Variants in TMEM45A observed in about 807,000 individuals in gnomAD.
The protein encoded by TMEM45A is transmembrane protein 45A.
Under a neutral mutation model 32.0 loss-of-function variants are expected in TMEM45A, and 25 were observed. The observed-to-expected ratio is 0.78, with a 90% CI of 0.57 to 1.09. The LOEUF (loss-of-function observed/expected upper bound fraction) is 1.09, where lower values mean the gene tolerates loss of function less well. Among genes scored for constraint, TMEM45A ranks in the 50% least tolerant of loss-of-function variants. TMEM45A has a pLI of 0.00. For synonymous variants in TMEM45A, 122 were observed against 114.8 expected, an observed-to-expected ratio of 1.06 and a Z score of -0.40; for missense variants, 302 against 325.0, an observed-to-expected ratio of 0.93 and a Z score of 0.54.
chr3:100,551,622 C>T (rs926926961), intron 1 of TMEM45A, among the ~76,000 whole-genome samples: 2 of 152,084 alleles, frequency 1.3e-5, no homozygotes, highest in African/African-American at 2.4e-5. Context: ...AGTGAAGTAA[C>T]GTTTGAGGAT....
In TMEM45A at chr3:100,544,770, G is replaced by A. The variant is rs143017026; in HGVS notation, c.-3-10439G>A. Among the ~76,000 whole-genome samples the A allele has an allele frequency of 1.3e-4, 20 of 152,206 alleles. 1 individual carries two copies. The highest frequency in any genetic ancestry group is 4.6e-4 in the African/African-American group (19 of 41,526). Reference sequence around the variant, plus strand: ...TGTCAATGGGTTATTTCCAGGTTTGGGTTATTATAAATAAAGCTACTATGA... The same window carrying A: ...TGTCAATGGGTTATTTCCAGGTTTGAGTTATTATAAATAAAGCTACTATGA... On this transcript the variant is annotated intron_variant, in intron 1 of 5. Coordinates refer to ENST00000323523, the MANE Select transcript of TMEM45A (RefSeq NM_018004.3).
At position 100,577,301 on chromosome 3, in the gene TMEM45A, A is replaced by C. The variant is rs1316232271; in HGVS notation, c.*283A>C. 3.5e-6 allele frequency: 1 copy of C among 286,166 alleles called. No individual in the cohort carries two copies. The highest frequency in any genetic ancestry group is 6.5e-6 in the Non-Finnish European group (1 of 154,922). 17.7% of individuals were successfully genotyped at this position (286,166 alleles called of 1,614,324 possible). On this transcript the variant is annotated 3_prime_UTR_variant, in exon 6 of 6. Transcript: ENST00000323523. ...CTAAAGTTGGATGCCCACACTATGA[A>C]AGAAATATTTGTTTTATTTGCCTTA... is the stretch of plus-strand genomic sequence containing the variant.
chr3:100,529,238 G>T (rs931948179), intron 1 of TMEM45A, among the ~76,000 whole-genome samples: 4 of 152,142 alleles, frequency 2.6e-5, no homozygotes, highest in South Asian at 2.1e-4. Flanking sequence ...AAAACCAGGG[G>T]CTAGAAGGCA....
At chr3:100,566,894 G>A (rs1165682402) in intron 4 of TMEM45A, among the ~76,000 whole-genome samples, 9 of 151,646 alleles carry the variant, frequency 5.9e-5, no homozygotes, top group Admixed American at 4.6e-4. Flanking sequence ...TAATCTCATC[G>A]GATATATGAT....
intron 4 of TMEM45A, among the ~76,000 whole-genome samples, chr3:100,560,012 T>C (rs1197626121): frequency 2.0e-5 from 3 of 152,150 alleles, no homozygotes. Context: ...GTTGGTTTTT[T>C]GGCTCCAGTG....
intron 4 of TMEM45A, among the ~76,000 whole-genome samples, chr3:100,562,457 A>G (rs545638483): frequency 3.9e-5 from 6 of 152,352 alleles, no homozygotes; most frequent in South Asian, 4.1e-4. Context: ...TTTAGCTTTC[A>G]GCATTAGGCT....
intron 5 of TMEM45A, chr3:100,572,410 G>A (rs1318785457): frequency 2.6e-5 from 4 of 152,224 alleles, no homozygotes; most frequent in East Asian, 3.9e-4. Flanking sequence ...TTTGAGAAGT[G>A]TCTGTTCATA....
At chr3:100,541,140 G>A (rs746237379) in intron 1 of TMEM45A, among the ~76,000 whole-genome samples, 3 of 152,102 alleles carry the variant, frequency 2.0e-5, no homozygotes, top group Non-Finnish European at 2.9e-5. Flanking sequence ...AGAAGTGTCT[G>A]TTCATGTCTT....
intron 5 of TMEM45A, chr3:100,573,514 G>T (rs1008728680): frequency 1.3e-5 from 2 of 152,152 alleles, no homozygotes; most frequent in Admixed American, 1.3e-4. Flanking sequence ...GAGCTGATGG[G>T]GTTTTCTAGA....
intron 1 of TMEM45A, among the ~76,000 whole-genome samples, chr3:100,531,603 C>T (rs1353519426): frequency 5.3e-5 from 8 of 151,782 alleles, no homozygotes; most frequent in Non-Finnish European, 1.0e-4. Flanking sequence ...AATTGAATTG[C>T]TATCATGATG....
intron 2 of TMEM45A, among the ~76,000 whole-genome samples, 182 bp from the exon 3 acceptor site, chr3:100,556,578 G>A (rs1706224436): frequency 6.6e-6 from 1 of 152,192 alleles, no homozygotes; most frequent in Non-Finnish European, 1.5e-5. Context: ...ATTTGAACCA[G>A]CATCTGAACC....
chr3:100,517,716 T>A (rs898533710), intron 1 of TMEM45A, among the ~76,000 whole-genome samples: 7 of 152,200 alleles, frequency 4.6e-5, no homozygotes, highest in Non-Finnish European at 8.8e-5. Flanking sequence ...CTGTGGTGAA[T>A]AAAAAAGTGA....
intron 4 of TMEM45A, among the ~76,000 whole-genome samples, chr3:100,563,334 C>A (rs1025241441): frequency 6.6e-6 from 1 of 152,210 alleles, no homozygotes; most frequent in Non-Finnish European, 1.5e-5. Flanking sequence ...ATTACCTCTG[C>A]AAATACTCTG....
chr3:100,528,279 G>A (rs1238555445), intron 1 of TMEM45A, among the ~76,000 whole-genome samples: 1 of 152,186 alleles, frequency 6.6e-6, no homozygotes, highest in Non-Finnish European at 1.5e-5. Flanking sequence ...AAGTCTGTAA[G>A]GCTCTATATT....
chr3:100,552,198 T>C (rs1029643999), intron 1 of TMEM45A, among the ~76,000 whole-genome samples: 1 of 152,192 alleles, frequency 6.6e-6, no homozygotes, highest in Non-Finnish European at 1.5e-5. Flanking sequence ...TCTTTCTTTT[T>C]TAATATACTA....
intron 1 of TMEM45A, among the ~76,000 whole-genome samples, chr3:100,498,296 A>G (rs551058741): frequency 4.2e-4 from 64 of 152,304 alleles, no homozygotes; most frequent in African/African-American, 1.5e-3. Flanking sequence ...GCAGTGTGAA[A>G]ATGGAATAAT....
intron 1 of TMEM45A, among the ~76,000 whole-genome samples, chr3:100,527,935 A>G (rs963571542): frequency 3.9e-5 from 6 of 152,174 alleles, no homozygotes; most frequent in Non-Finnish European, 5.9e-5. Context: ...AGAAATCTTC[A>G]CCCTGAGCTG....
intron 1 of TMEM45A, among the ~76,000 whole-genome samples, chr3:100,502,001 T>G (rs1377959920): frequency 6.6e-6 from 1 of 152,164 alleles, no homozygotes. Context: ...TTTCTGAACT[T>G]CAGACAAATA....
At chr3:100,570,492 A>G (rs1473799289) in intron 5 of TMEM45A, 1 of 152,300 alleles carries the variant, frequency 6.6e-6, no homozygotes, top group Non-Finnish European at 1.5e-5. Flanking sequence ...GGGTACTAGG[A>G]AATTCCACCT....
Sources: allele counts gnomAD v4.1 joint callset (sites outside exome capture counted in the v4.1 genomes callset), GRCh38; gene constraint gnomAD v4.1.1; transcripts MANE v1.5; gene names NCBI Gene and HGNC (gene_info 2026-07-23, HGNC 2026-07-21).